ADAMTSL3: variants seen among roughly 807,000 people sequenced by gnomAD.
ADAMTSL3 encodes the protein ADAMTS like 3.
A neutral mutation model predicts 201.7 loss-of-function variants in ADAMTSL3; 128 were observed. That is an observed-to-expected ratio of 0.63 (90% CI 0.55 to 0.73). The LOEUF (loss-of-function observed/expected upper bound fraction) is 0.73. Ranked by LOEUF, ADAMTSL3 falls within the 30% of genes least tolerant of loss-of-function variation. The pLI is 0.00. For synonymous variants in ADAMTSL3, 738 were observed against 748.4 expected (o/e 0.99, Z 0.23); for missense variants, 1,990 against 2,119.6 (o/e 0.94, Z 1.20).
intron 5 of ADAMTSL3, among the ~76,000 whole-genome samples, chr15:83,817,030 T>G (rs906385370): frequency 6.6e-6 from 1 of 152,220 alleles, no homozygotes; most frequent in African/African-American, 2.4e-5. Context: ...CTTCTTCAGT[T>G]TGACTTGCTT....
chr15:83,728,430 C>T (rs2062214402), intron 3 of ADAMTSL3, among the ~76,000 whole-genome samples: 1 of 151,258 alleles, frequency 6.6e-6, no homozygotes, highest in Non-Finnish European at 1.5e-5. Flanking sequence ...TTCCCCCCGC[C>T]CCCTTCCTAT....
intron 16 of ADAMTSL3, 144 bp downstream of exon 16, chr15:83,913,522 TC>T: frequency 1.1e-6 from 1 of 913,000 alleles, no homozygotes; most frequent in Non-Finnish European, 1.6e-6. Context: ...TGATACTTTT[TC>T]TTCTTTTTCT....
intron 27 of ADAMTSL3, among the ~76,000 whole-genome samples, chr15:84,030,354 C>T (rs1567313635): frequency 6.6e-6 from 1 of 152,168 alleles, no homozygotes; most frequent in Non-Finnish European, 1.5e-5. Flanking sequence ...CTTACATCAG[C>T]ATGATGGAAG....
rs556151323 is a variant in ADAMTSL3, at chr15:83,966,102, C to A, written c.2491-4382C>A. Among the ~76,000 whole-genome samples, 434 of 152,154 alleles carry A rather than the reference C, an allele frequency of 2.9e-3. 2 individuals are homozygous for A. The highest frequency in any genetic ancestry group is 9.6e-3 in the African/African-American group (399 of 41,506). On this transcript the variant is annotated intron_variant, in intron 19 of 29. Transcript: ENST00000286744. ...AGCAGAAAAGTCTAAAATTGACACC[C>A]TAACATCACAATTAAAAGAACTAGA...
At chr15:83,870,701 T>G in intron 8 of ADAMTSL3, 101 bp from the exon 9 acceptor site, 1 of 964,876 alleles carries the variant, frequency 1.0e-6, no homozygotes, top group Non-Finnish European at 1.5e-6. Context: ...ATTTTGACAT[T>G]GTTTTGATAT....
rs747149438 is a variant in ADAMTSL3, at chr15:83,892,814, G to A, written c.1393G>A (p.Ala465Thr). Residue 465 changes from alanine (A) to threonine (T), a missense_variant, in exon 13 of 30, where the codon GCA (alanine) becomes ACA (threonine). Ala to Thr is a moderately conservative substitution (Grantham distance 58). Transcript: ENST00000286744. ...LQVEEWKCMY[A>T]PKPKVMQTCN... ...GGTGGAAGAATGGAAGTGCATGTAC[G>A]CACCCAAACCCAAGGTTATGCAAAC... 40 of 1,613,930 alleles carry A rather than the reference G, an allele frequency of 2.5e-5. No individual in the cohort carries two copies. The highest frequency in any genetic ancestry group is 6.7e-5 in the East Asian group (3 of 44,874).
chr15:84,015,788 C>T (rs2068078782), intron 24 of ADAMTSL3, among the ~76,000 whole-genome samples: 1 of 152,194 alleles, frequency 6.6e-6, no homozygotes, highest in African/African-American at 2.4e-5. Context: ...AAACCCCAGC[C>T]TTGTTTCTTT....
intron 4 of ADAMTSL3, among the ~76,000 whole-genome samples, chr15:83,773,982 A>C (rs2063029949): frequency 6.6e-6 from 1 of 152,160 alleles, no homozygotes; most frequent in Non-Finnish European, 1.5e-5. Flanking sequence ...GGGTTGCTGC[A>C]ACTTAGTCCA....
chr15:83,820,542 G>A (rs1019636496), intron 6 of ADAMTSL3, among the ~76,000 whole-genome samples: 5 of 152,186 alleles, frequency 3.3e-5, no homozygotes, highest in Non-Finnish European at 7.3e-5. Context: ...CTGAAGCTGT[G>A]GGTCTGGGGA....
intron 7 of ADAMTSL3, among the ~76,000 whole-genome samples, chr15:83,845,036 C>T (rs1227851022): frequency 1.3e-5 from 2 of 152,208 alleles, no homozygotes; most frequent in Admixed American, 6.5e-5. Flanking sequence ...GGTGCCCATT[C>T]CCCCGATGGG....
Position 83,982,311 on chromosome 15 carries a change from G to A in ADAMTSL3, c.2683G>A (p.Gly895Ser). 6.2e-7 allele frequency: 1 copy of A among 1,611,268 alleles called. No individual in the cohort carries two copies. The highest frequency in any genetic ancestry group is 8.5e-7 in the Non-Finnish European group (1 of 1,178,048). Reference sequence around the variant, plus strand: ...GATGAAGACAAAACTTGGTGAGCAGGGTCCGCAGATCCTCAGTGTCCAGAG... The same window carrying A: ...GATGAAGACAAAACTTGGTGAGCAGAGTCCGCAGATCCTCAGTGTCCAGAG... ...SEMKTKLGEQ[G>S]PQILSVQRVY... The change falls in exon 21 of 30, where the codon GGT becomes AGT. Residue 895 changes from glycine to serine, a missense_variant. Coordinates refer to ENST00000286744, the MANE Select transcript of ADAMTSL3 (RefSeq NM_207517.3).
At chr15:83,788,093 T>G (rs983906768) in intron 4 of ADAMTSL3, among the ~76,000 whole-genome samples, 4 of 152,082 alleles carry the variant, frequency 2.6e-5, no homozygotes, top group African/African-American at 7.2e-5. Flanking sequence ...TCCACTAGAG[T>G]CAATAATTAC....
chr15:83,672,952 T>C lies in ADAMTSL3; in HGVS notation c.69+17122T>C, dbSNP rs2061347061. 2.0e-5 allele frequency among the ~76,000 whole-genome samples: 3 copies of C among 152,342 alleles called. 1 individual carries two copies. In the South Asian group the frequency reaches 6.2e-4, roughly 32 times the overall value. On this transcript the variant is annotated intron_variant, in intron 2 of 29. Transcript: ENST00000286744. The stretch of plus-strand genomic sequence containing the variant: ...CTTCCCGTCCCTGGGAGGTCCAGCA[T>C]GTGGCAGGCATCATTGTTCACAGCT...
intron 19 of ADAMTSL3, among the ~76,000 whole-genome samples, chr15:83,950,150 A>T (rs1209458759): frequency 6.6e-6 from 1 of 152,180 alleles, no homozygotes; most frequent in Non-Finnish European, 1.5e-5. Flanking sequence ...TCTTAAACTT[A>T]AGGCTTTAAT....
chr15:83,733,712 A>T (rs1416331554), intron 3 of ADAMTSL3, among the ~76,000 whole-genome samples: 1 of 151,454 alleles, frequency 6.6e-6, no homozygotes, highest in Non-Finnish European at 1.5e-5. Flanking sequence ...TTAAATTTAC[A>T]GGGAAATGAC....
chr15:83,822,957 C>T lies in ADAMTSL3; in HGVS notation c.600+2910C>T, dbSNP rs1033713922. Among the ~76,000 whole-genome samples, 8 of 152,130 alleles carry T rather than the reference C, an allele frequency of 5.3e-5. No homozygotes were observed. In the East Asian group the frequency reaches 7.8e-4, roughly 15 times the overall value. On this transcript the variant is annotated intron_variant, in intron 6 of 29. Coordinates refer to ENST00000286744, the MANE Select transcript of ADAMTSL3 (RefSeq NM_207517.3). ...TCTGCAATCCCGGCACCTCGGGAGG[C>T]GGAGGCTGGCGGATCACTCGCGGTT...
At chr15:83,833,136 G>A (rs985648283) in intron 6 of ADAMTSL3, among the ~76,000 whole-genome samples, 3 of 152,170 alleles carry the variant, frequency 2.0e-5, no homozygotes, top group South Asian at 2.1e-4. Flanking sequence ...TGTTGATAAG[G>A]AAACTGGAAA....
chr15:83,976,391 T>C (rs1393469759), intron 20 of ADAMTSL3, among the ~76,000 whole-genome samples: 1 of 152,190 alleles, frequency 6.6e-6, no homozygotes, highest in African/African-American at 2.4e-5. Context: ...ACCAGTTTCA[T>C]GGAAGACAGT....
chr15:84,028,925 T>G (rs1476082766), intron 27 of ADAMTSL3, among the ~76,000 whole-genome samples: 2 of 152,214 alleles, frequency 1.3e-5, no homozygotes, highest in Non-Finnish European at 2.9e-5. Flanking sequence ...GCACTTCTCC[T>G]TCCTGCTGCC....
Sources: allele counts gnomAD v4.1 joint callset (sites outside exome capture counted in the v4.1 genomes callset), GRCh38; gene constraint gnomAD v4.1.1; transcripts MANE v1.5; gene names NCBI Gene and HGNC (gene_info 2026-07-23, HGNC 2026-07-21).